KCNN2: variants seen among roughly 807,000 people sequenced by gnomAD.
KCNN2 encodes the protein small conductance calcium-activated potassium channel protein 2.
A neutral mutation model predicts 55.5 loss-of-function variants in KCNN2; 24 were observed. That is an observed-to-expected ratio of 0.43 (90% CI 0.31 to 0.61). KCNN2 has a LOEUF of 0.61. Ranked by LOEUF, KCNN2 falls within the 20% of genes least tolerant of loss-of-function variation. The pLI, the probability that KCNN2 is intolerant of heterozygous loss-of-function variation, is 0.08. For synonymous variants in KCNN2, 431 were observed against 336.1 expected, an observed-to-expected ratio of 1.28 and a Z score of -3.09; for missense variants, 754 against 853.6, an observed-to-expected ratio of 0.88 and a Z score of 1.45.
At chr5:114,406,600 G>A (rs1758942093) in intron 3 of KCNN2, among the ~76,000 whole-genome samples, 1 of 148,058 alleles carries the variant, frequency 6.8e-6, no homozygotes, top group African/African-American at 2.5e-5. Context: ...CTGTATACTT[G>A]TCACTAAATC....
chr5:114,213,243 T>C (rs909647747), intron 1 of KCNN2, among the ~76,000 whole-genome samples: 1 of 152,100 alleles, frequency 6.6e-6, no homozygotes, highest in African/African-American at 2.4e-5. Flanking sequence ...AGTTTTGTTA[T>C]AGATATTGCC....
chr5:114,450,839 G>C (rs1760642587), intron 3 of KCNN2, among the ~76,000 whole-genome samples: 1 of 152,146 alleles, frequency 6.6e-6, no homozygotes, highest in East Asian at 1.9e-4. Context: ...CATCCCACTT[G>C]ACTTCAGATT....
In KCNN2 at chr5:114,265,455, G is replaced by A. The variant is rs527564424; in HGVS notation, c.-185+43890G>A. Among the ~76,000 whole-genome samples the A allele has an allele frequency of 4.6e-5, 7 of 152,096 alleles. No individual in the cohort carries two copies. The South Asian group carries it at 1.5e-3, about 32-fold the overall frequency. ...TGCAGTCAGCAAGCTGGAGGCCCAG[G>A]AAAACTGATAGTGTAAGTTCCTATC... is the stretch of plus-strand genomic sequence containing the variant. On this transcript the variant is annotated intron_variant, in intron 2 of 10. Coordinates refer to the KCNN2 transcript ENST00000512097.
chr5:114,059,639 G>T (rs1750285111), intron 1 of KCNN2, among the ~76,000 whole-genome samples: 1 of 152,190 alleles, frequency 6.6e-6, no homozygotes, highest in Non-Finnish European at 1.5e-5. Flanking sequence ...GTGTCTGAAG[G>T]CTGAGGCTGT....
chr5:114,063,305 T>C (rs1750370273), intron 1 of KCNN2, among the ~76,000 whole-genome samples: 1 of 152,270 alleles, frequency 6.6e-6, no homozygotes. Context: ...TCAGCATTGA[T>C]TGACTCATCC....
At chr5:114,405,043 A>G (rs937822114) in intron 3 of KCNN2, among the ~76,000 whole-genome samples, 187 bp downstream of exon 3, 2 of 152,282 alleles carry the variant, frequency 1.3e-5, no homozygotes, top group Middle Eastern at 6.8e-3. Context: ...AAATGCCTTC[A>G]TGCTTGTGTG....
intron 2 of KCNN2, among the ~76,000 whole-genome samples, chr5:114,266,241 A>G (rs1412267421): frequency 1.3e-5 from 2 of 152,148 alleles, no homozygotes; most frequent in Non-Finnish European, 1.5e-5. Flanking sequence ...CAGTCCAGCC[A>G]CATTTCAGGT....
chr5:114,314,297 T>A (rs1756458015), intron 2 of KCNN2, among the ~76,000 whole-genome samples: 1 of 152,170 alleles, frequency 6.6e-6, no homozygotes, highest in Non-Finnish European at 1.5e-5. Flanking sequence ...AACATTTGTT[T>A]CAATTGATGA....
chr5:114,117,832 G>C (rs1166682907), intron 1 of KCNN2, among the ~76,000 whole-genome samples: 1 of 152,126 alleles, frequency 6.6e-6, no homozygotes, highest in Non-Finnish European at 1.5e-5. Flanking sequence ...TTAATCCCTT[G>C]ATCTTCAGTC....
chr5:114,413,318 C>T (rs1211320458), intron 3 of KCNN2, among the ~76,000 whole-genome samples: 1 of 152,062 alleles, frequency 6.6e-6, no homozygotes, highest in Non-Finnish European at 1.5e-5. Context: ...GAGTCTTGCT[C>T]TTGTCACTCA....
chr5:114,087,546 C>T (rs1193024675), intron 1 of KCNN2, among the ~76,000 whole-genome samples: 1 of 152,018 alleles, frequency 6.6e-6, no homozygotes, highest in Non-Finnish European at 1.5e-5. Context: ...TCCTTTCCCC[C>T]CTCTTATTTT....
chr5:114,163,134 A>G (rs994503966), intron 1 of KCNN2, among the ~76,000 whole-genome samples: 7 of 152,090 alleles, frequency 4.6e-5, no homozygotes, highest in Non-Finnish European at 4.4e-5. Flanking sequence ...CTATTTGGCC[A>G]TCTTGGCTCC....
intron 2 of KCNN2, among the ~76,000 whole-genome samples, chr5:114,236,380 C>A (rs922960187): frequency 1.5e-5 from 2 of 133,646 alleles, no homozygotes; most frequent in Non-Finnish European, 1.6e-5. Flanking sequence ...ATGTTTTTTT[C>A]TTTAGACTTT....
At chr5:114,255,382 G>A (rs928291759) in intron 2 of KCNN2, among the ~76,000 whole-genome samples, 1 of 152,190 alleles carries the variant, frequency 6.6e-6, no homozygotes, top group Non-Finnish European at 1.5e-5. Context: ...CCAGACGGAT[G>A]AGGTGCTAAG....
intron 2 of KCNN2, among the ~76,000 whole-genome samples, chr5:114,334,302 G>A (rs1279643337): frequency 2.1e-5 from 3 of 140,778 alleles, no homozygotes; most frequent in Non-Finnish European, 4.7e-5. Context: ...GTGTGTGTGT[G>A]TGTGTGTATA....
At chr5:114,387,566 A>G (rs771682172) in intron 2 of KCNN2, among the ~76,000 whole-genome samples, 28 of 152,144 alleles carry the variant, frequency 1.8e-4, no homozygotes, top group Non-Finnish European at 3.8e-4. Context: ...TTTTGTTCTT[A>G]GACTTTGGGC....
intron 1 of KCNN2, among the ~76,000 whole-genome samples, chr5:114,100,859 T>G (rs1275552733): frequency 6.6e-6 from 1 of 152,036 alleles, no homozygotes; most frequent in African/African-American, 2.4e-5. Context: ...AGGAAAAGAA[T>G]AGTGAAATAG....
intron 2 of KCNN2, among the ~76,000 whole-genome samples, chr5:114,281,484 C>T (rs1443252169): frequency 6.6e-6 from 1 of 151,972 alleles, no homozygotes; most frequent in African/African-American, 2.4e-5. Context: ...TTTTCCAAGA[C>T]ATTTATATTA....
rs535044935 is a variant in KCNN2 at position 114,238,335 on chromosome 5, T to C, written c.-185+16770T>C. ...AGACTTAAAGGATAAATTACAAAAA[T>C]TGGATTATTGTTGGGTGCAGTGGCT... On this transcript the variant is annotated intron_variant, in intron 2 of 10. Transcript: ENST00000512097. 3.9e-5 allele frequency among the ~76,000 whole-genome samples: 6 copies of C among 152,194 alleles called. No individual in the cohort carries two copies. The South Asian group carries it at 8.3e-4, about 21-fold the overall frequency.
Sources: gnomAD v4.1 joint callset for allele counts (sites outside exome capture counted in the v4.1 genomes callset) on GRCh38, gnomAD v4.1.1 for gene constraint, MANE v1.5 for transcripts, NCBI Gene and HGNC (gene_info 2026-07-23, HGNC 2026-07-21) for gene names.